The following CAGE1 variants were observed in gnomAD, a reference collection of about 807,000 sequenced individuals.
The protein encoded by CAGE1 is cancer antigen 1, also known as cancer-associated gene 1 protein.
A neutral mutation model predicts 94.9 loss-of-function variants in CAGE1; 66 were observed. The observed-to-expected ratio is 0.70, with a 90% CI of 0.57 to 0.85. The LOEUF (loss-of-function observed/expected upper bound fraction) is 0.85, where lower values mean the gene tolerates loss of function less well. CAGE1 is among the 40% of genes least tolerant of loss of function. The probability of loss-of-function intolerance (pLI) is 0.00; values close to 1 mark genes in which losing one functional copy is unlikely to be tolerated. For missense variants in CAGE1, 865 were observed against 950.4 expected (o/e 0.91, Z 1.18); for synonymous variants, 319 against 321.0 (o/e 0.99, Z 0.07).
At position 7,385,758 on chromosome 6, in the gene CAGE1, G is replaced by T. The variant is rs892692537; in HGVS notation, c.283+27C>A. On this transcript the variant is annotated intron_variant, in intron 3 of 13. Coordinates refer to ENST00000502583, the MANE Select transcript of CAGE1 (RefSeq NM_001170692.2). ...ACACAAAAAAAAGTTTCTCTCTTTT[G>T]CATATTGCTAACAAGTAGATACTTA... 8 of 1,395,616 alleles carry T rather than the reference G, an allele frequency of 5.7e-6. No homozygotes were observed. The African/African-American group carries it at 1.0e-4, about 18-fold the overall frequency. The allele number at this position is 1,395,616 out of a possible 1,614,324, so 86.5% of individuals were successfully genotyped here.
chr6:7,350,662 T>C (rs998202750), intron 11 of CAGE1, among the ~76,000 whole-genome samples: 2 of 152,152 alleles, frequency 1.3e-5, no homozygotes, highest in Non-Finnish European at 2.9e-5. Flanking sequence ...TGAATGAGCA[T>C]TGGGTCAAAA....
chr6:7,373,729 A>G lies in CAGE1; in HGVS notation c.1090T>C (p.Leu364=). The change falls in exon 5 of 14, where the codon TTA becomes CTA. Residue 364 remains leucine (L), a synonymous_variant. Coordinates refer to ENST00000502583, the MANE Select transcript of CAGE1 (RefSeq NM_001170692.2). ...ATTATTTTGTATTTGTCTTCAATTA[A>G]TTCTTCAACATTCTCCTTTAGCTTA... ...INKLKENVEE[L]IEDKYKIILE... 6.2e-7 allele frequency: 1 copy of G among 1,612,656 alleles called. No individual in the cohort carries two copies. The highest frequency in any genetic ancestry group is 1.1e-5 in the South Asian group (1 of 91,004).
At chr6:7,363,974 C>G (rs1353660712) in intron 9 of CAGE1, among the ~76,000 whole-genome samples, 1 of 152,176 alleles carries the variant, frequency 6.6e-6, no homozygotes, top group Non-Finnish European at 1.5e-5. Context: ...TTTGGATACT[C>G]TGAGATAGGG....
chr6:7,345,247 C>T (rs1347790383), intron 11 of CAGE1, among the ~76,000 whole-genome samples: 4 of 152,250 alleles, frequency 2.6e-5, no homozygotes, highest in Admixed American at 6.5e-5. Context: ...GAAGAAGGAA[C>T]AACTCCAGAC....
At chr6:7,372,510 T>A (rs948453682) in intron 5 of CAGE1, among the ~76,000 whole-genome samples, 4 of 150,468 alleles carry the variant, frequency 2.7e-5, no homozygotes, top group African/African-American at 9.8e-5. Flanking sequence ...ATGCTTTTGA[T>A]GACTGGCAAT....
Position 7,389,486 on chromosome 6 carries a change from G to C in CAGE1, c.-308C>G. ...AACTCCGCAGAGACAGGTGCAGCCC[G>C]CGAGGCCCGAGCGACCCTACTGTGG... On this transcript the variant is annotated 5_prime_UTR_variant, in exon 1 of 14. Transcript: ENST00000502583. The C allele has an allele frequency of 2.7e-6, 1 of 375,058 alleles. No individual in the cohort carries two copies. The highest frequency in any genetic ancestry group is 8.7e-4 in the Middle Eastern group (1 of 1,146). The allele number at this position is 375,058 out of a possible 1,614,324, so 23.2% of individuals were successfully genotyped here.
intron 9 of CAGE1, among the ~76,000 whole-genome samples, chr6:7,363,271 AAAAC>A (rs978326849): frequency 1.5e-4 from 23 of 152,364 alleles, no homozygotes; most frequent in Non-Finnish European, 2.5e-4. Flanking sequence ...TCCGTCTCTA[AAAAC>A]AAACAAACAA....
chr6:7,363,442 T>C (rs1159772300), intron 9 of CAGE1, among the ~76,000 whole-genome samples: 1 of 152,236 alleles, frequency 6.6e-6, no homozygotes, highest in East Asian at 1.9e-4. Context: ...TTGAGTTTCA[T>C]ACACTGCCTC....
chr6:7,332,296 G>T (rs55969543), intron 12 of CAGE1, among the ~76,000 whole-genome samples: 1 of 152,068 alleles, frequency 6.6e-6, no homozygotes, highest in African/African-American at 2.4e-5. Flanking sequence ...GGAGCTTGCC[G>T]TTGCTGGGGA....
In CAGE1 at chr6:7,339,650, G is replaced by A. The variant is rs1428589770; in HGVS notation, c.2370-5560C>T. 10 of 617,878 alleles carry A rather than the reference G, an allele frequency of 1.6e-5. No individual in the cohort carries two copies. The highest frequency in any genetic ancestry group is 1.4e-4 in the East Asian group (5 of 36,080). 38.3% of individuals were successfully genotyped at this position (617,878 alleles called of 1,614,324 possible). A position where few individuals can be genotyped will look rare whatever the true frequency, so the allele number is the denominator to read the frequency against. On this transcript the variant is annotated intron_variant, in intron 11 of 13. Coordinates refer to ENST00000502583, the MANE Select transcript of CAGE1 (RefSeq NM_001170692.2). This position sits in a 1 kb window ranked among gnomAD's most constrained non-coding sequence, Gnocchi z 4.7. Reference sequence around the variant, plus strand: ...TCCTCATAGCTTAGCTCCCACTTATGAGTGAGAACATATGATGTTTGGTTT... The same window carrying A: ...TCCTCATAGCTTAGCTCCCACTTATAAGTGAGAACATATGATGTTTGGTTT...
intron 6 of CAGE1, 96 bp from the exon 7 acceptor site, chr6:7,368,894 T>A (rs1760444266): frequency 3.0e-6 from 2 of 671,728 alleles, no homozygotes; most frequent in Non-Finnish European, 5.1e-6. Context: ...AAATCTCCTT[T>A]CAATAAGTAA....
chr6:7,355,878 C>T, intron 10 of CAGE1, 147 bp downstream of exon 10: 1 of 556,018 alleles, frequency 1.8e-6, no homozygotes, highest in African/African-American at 1.9e-5. Flanking sequence ...TGGCACATGC[C>T]TATAATCCCA....
intron 9 of CAGE1, among the ~76,000 whole-genome samples, chr6:7,358,611 C>T (rs760582274): frequency 2.6e-5 from 4 of 152,012 alleles, no homozygotes; most frequent in Admixed American, 6.6e-5. Context: ...GAGACGGAGG[C>T]GGGAGGATTG....
chr6:7,384,103 T>C (rs1185927731), intron 3 of CAGE1, among the ~76,000 whole-genome samples: 2 of 152,178 alleles, frequency 1.3e-5, no homozygotes, highest in Non-Finnish European at 2.9e-5. Context: ...CTAATCCTTA[T>C]AGCACTTATT....
chr6:7,331,570 G>T, intron 12 of CAGE1: 1 of 352,130 alleles, frequency 2.8e-6, no homozygotes. Context: ...ACCATTCTGG[G>T]CCCCATTAAA....
At chr6:7,345,362 TCAGAAC>T (rs1759431747) in intron 11 of CAGE1, among the ~76,000 whole-genome samples, 3 of 82,694 alleles carry the variant, frequency 3.6e-5, no homozygotes, top group African/African-American at 9.6e-5. Flanking sequence ...TCTGAACACA[TCAGAAC>T]ATCAGAAGGA....
intron 9 of CAGE1, among the ~76,000 whole-genome samples, chr6:7,361,560 A>T (rs1760166827): frequency 1.3e-5 from 2 of 152,202 alleles, no homozygotes; most frequent in Non-Finnish European, 2.9e-5. Flanking sequence ...TACTAGAGGA[A>T]CAAAAGAACT....
At chr6:7,368,537 A>G (rs45508696) in intron 7 of CAGE1, 151 bp downstream of exon 7, 1 of 463,624 alleles carries the variant, frequency 2.2e-6, no homozygotes. Flanking sequence ...TGAACATTTT[A>G]TCTCTTTAGT....
At chr6:7,347,762 T>G (rs1759615940) in intron 11 of CAGE1, among the ~76,000 whole-genome samples, 2 of 151,970 alleles carry the variant, frequency 1.3e-5, no homozygotes. Flanking sequence ...CCCTTTGGAT[T>G]GTGTGGGAGT....
Sources: allele counts gnomAD v4.1 joint callset (sites outside exome capture counted in the v4.1 genomes callset), GRCh38; gene constraint gnomAD v4.1.1; non-coding constraint Gnocchi (gnomAD v3.1); transcripts MANE v1.5; gene names NCBI Gene and HGNC (gene_info 2026-07-23, HGNC 2026-07-21).